Variants in CCDC66 observed in about 807,000 individuals in gnomAD.
CCDC66 encodes coiled-coil domain-containing protein 66.
Under a neutral mutation model 128.3 loss-of-function variants are expected in CCDC66, and 133 were observed. The observed-to-expected ratio is 1.04, with a 90% CI of 0.90 to 1.20. The LOEUF is 1.20. Among genes scored for constraint, CCDC66 ranks in the 50% most tolerant of loss-of-function variants. The pLI is 0.00. For synonymous variants in CCDC66, 387 were observed against 357.0 expected (o/e 1.08, Z -0.95); for missense variants, 1,126 against 1,075.5 (o/e 1.05, Z -0.66).
chr3:56,601,167 G>A (rs759658549), intron 10 of CCDC66, among the ~76,000 whole-genome samples: 16 of 152,134 alleles, frequency 1.1e-4, no homozygotes, highest in Non-Finnish European at 2.4e-4. Flanking sequence ...TAAGGAAGGA[G>A]TCCAGTTTCA....
Position 56,593,089 on chromosome 3 carries a change from T to G in CCDC66, c.1056T>G (p.Ile352Met). 1 of 1,593,680 alleles carries G rather than the reference T, an allele frequency of 6.3e-7. No individual in the cohort carries two copies. The highest frequency in any genetic ancestry group is 8.6e-7 in the Non-Finnish European group (1 of 1,167,006). Residue 352 changes from isoleucine (I) to methionine (M), a missense_variant, in exon 8 of 18, where the codon ATT becomes ATG. Coordinates refer to ENST00000394672, the MANE Select transcript of CCDC66 (RefSeq NM_001141947.3). ...DDRQRKIEEK[I>M]IYSKGEEHDR... ...GTCAAAGAAAAATAGAGGAAAAAATTATATATTCAAAGGTAACTTATGAGG... is the reference window on the plus strand; with the variant it reads ...GTCAAAGAAAAATAGAGGAAAAAATGATATATTCAAAGGTAACTTATGAGG...
intron 2 of CCDC66, 26 bp from the exon 3 acceptor site, chr3:56,559,543 T>A: frequency 6.7e-7 from 1 of 1,485,660 alleles, no homozygotes. Context: ...GGTGGATAGT[T>A]TAGTAATTTC....
intron 10 of CCDC66, among the ~76,000 whole-genome samples, chr3:56,602,268 A>G (rs1308757413): frequency 6.6e-6 from 1 of 152,032 alleles, no homozygotes; most frequent in Admixed American, 6.5e-5. Context: ...TGAATAGATT[A>G]CGTTTACTGA....
At chr3:56,567,869 T>A (rs922680001) in intron 6 of CCDC66, among the ~76,000 whole-genome samples, 2 of 152,076 alleles carry the variant, frequency 1.3e-5, no homozygotes, top group African/African-American at 2.4e-5. Flanking sequence ...TTTTTGTATT[T>A]TTAGTAGAGA....
rs747055725 is a variant in CCDC66, at chr3:56,572,130, C to T, written c.936+828C>T. Among the ~76,000 whole-genome samples, 235 of 152,248 alleles carry T rather than the reference C, an allele frequency of 1.5e-3. 1 individual carries two copies. The highest frequency in any genetic ancestry group is 2.5e-3 in the Non-Finnish European group (168 of 68,026). On this transcript the variant is annotated intron_variant, in intron 7 of 17. Transcript: ENST00000394672. ...ATGTCGTTAGGTGAATGTAGAGGCT[C>T]CCTTTAGAGTCTTATAAAGGAGCTG...
intron 7 of CCDC66, among the ~76,000 whole-genome samples, chr3:56,591,321 C>A (rs1258673612): frequency 6.6e-6 from 1 of 152,068 alleles, no homozygotes; most frequent in East Asian, 1.9e-4. Flanking sequence ...TTTGTCTAAT[C>A]CCTGAATAAT....
At chr3:56,615,514 C>T in intron 12 of CCDC66, 1 of 419,372 alleles carries the variant, frequency 2.4e-6, no homozygotes, top group Non-Finnish European at 4.2e-6. Flanking sequence ...GTTGGGATTA[C>T]AGGTGTGAGT....
At chr3:56,616,369 G>T (rs1027325087) in intron 13 of CCDC66, 5 of 268,124 alleles carry the variant, frequency 1.9e-5, no homozygotes, top group Non-Finnish European at 2.8e-5. Context: ...TTAACATTCT[G>T]TCTCTGAATA....
At chr3:56,568,597 G>A (rs969672008) in intron 6 of CCDC66, among the ~76,000 whole-genome samples, 1 of 152,176 alleles carries the variant, frequency 6.6e-6, no homozygotes, top group African/African-American at 2.4e-5. Context: ...TCAAAGATTT[G>A]TAAACTTTTC....
intron 7 of CCDC66, among the ~76,000 whole-genome samples, chr3:56,583,966 G>A (rs1216023917): frequency 2.5e-4 from 11 of 44,862 alleles, no homozygotes; most frequent in East Asian, 2.2e-3. Flanking sequence ...CTGGCCGGGC[G>A]GGGGCTGCCC....
In CCDC66 at chr3:56,619,267, A is replaced by C; in HGVS notation, c.2379-4A>C. On this transcript the variant is annotated splice_region_variant and splice_polypyrimidine_tract_variant and intron_variant, in intron 15 of 17. Transcript: ENST00000394672. ...CAATTTTTTACTATTTTTTTTTTAA[A>C]TAGGTCTCCATCATCACCAGTTCCA... 1.9e-6 allele frequency: 3 copies of C among 1,562,674 alleles called. No individual in the cohort carries two copies. The highest frequency in any genetic ancestry group is 1.7e-6 in the Non-Finnish European group (2 of 1,159,080).
At chr3:56,592,181 T>C (rs2071026181) in intron 7 of CCDC66, among the ~76,000 whole-genome samples, 1 of 152,198 alleles carries the variant, frequency 6.6e-6, no homozygotes, top group Admixed American at 6.5e-5. Context: ...ACAGAGGTTC[T>C]CCTAGAGAGA....
rs528511485 is a variant in CCDC66 at position 56,605,111 on chromosome 3, C to T, written c.1405-8478C>T. ...CACAAGGTTCTTGTGCTGTGTTTTT[C>T]AGCTCCGTCAGGTCATTTATGTTCT... On this transcript the variant is annotated intron_variant, in intron 10 of 17. Coordinates refer to ENST00000394672, the MANE Select transcript of CCDC66 (RefSeq NM_001141947.3). Among the ~76,000 whole-genome samples, 5 of 152,078 alleles carry T rather than the reference C, an allele frequency of 3.3e-5. No homozygotes were observed. In the South Asian group the frequency reaches 1.0e-3, roughly 32 times the overall value.
intron 13 of CCDC66, chr3:56,616,880 T>A (rs2075586437): frequency 1.0e-5 from 4 of 401,866 alleles, no homozygotes; most frequent in East Asian, 3.9e-5. Flanking sequence ...ACTGATGATG[T>A]TGAGCATCTT....
intron 7 of CCDC66, among the ~76,000 whole-genome samples, chr3:56,583,590 A>G (rs561606849): frequency 5.2e-4 from 79 of 152,032 alleles, no homozygotes; most frequent in African/African-American, 1.7e-3. Flanking sequence ...GACACAGCAC[A>G]TGTTTCAGAG....
At chr3:56,582,910 C>T (rs999282933) in intron 7 of CCDC66, among the ~76,000 whole-genome samples, 5 of 145,314 alleles carry the variant, frequency 3.4e-5, no homozygotes, top group African/African-American at 1.3e-4. Context: ...GGTCTCATAA[C>T]CTGTCACCCA....
intron 10 of CCDC66, among the ~76,000 whole-genome samples, chr3:56,611,817 G>A (rs994228833): frequency 6.6e-6 from 1 of 152,128 alleles, no homozygotes; most frequent in Non-Finnish European, 1.5e-5. Context: ...TCAGCCCCAG[G>A]TAAAGTCGGG....
At chr3:56,584,094 G>A (rs2069005751) in intron 7 of CCDC66, among the ~76,000 whole-genome samples, 2 of 144,806 alleles carry the variant, frequency 1.4e-5, no homozygotes, top group Admixed American at 6.9e-5. Flanking sequence ...GGACGGGGCG[G>A]CTGGCCGGGC....
chr3:56,557,212 G>A lies in CCDC66; in HGVS notation c.-31G>A, dbSNP rs1320724708. 1.3e-6 allele frequency: 2 copies of A among 1,551,284 alleles called. No individual in the cohort carries two copies. The highest frequency in any genetic ancestry group is 1.2e-5 in the South Asian group (1 of 84,054). On this transcript the variant is annotated 5_prime_UTR_variant, in exon 1 of 18. Transcript: ENST00000394672. ...CAACCGACGTACACAAGGGGCTTGA[G>A]CGTTCTGTGGAGAGAGTGCGAGGTC...
Sources: allele counts gnomAD v4.1 joint callset (sites outside exome capture counted in the v4.1 genomes callset), GRCh38; gene constraint gnomAD v4.1.1; transcripts MANE v1.5; gene names NCBI Gene and HGNC (gene_info 2026-07-23, HGNC 2026-07-21).